BAZ1B: variants seen among roughly 807,000 people sequenced by gnomAD.
BAZ1B encodes bromodomain adjacent to zinc finger domain 1B, also known as tyrosine-protein kinase BAZ1B.
In BAZ1B, 22 loss-of-function variants were observed where a neutral mutation model predicts 153.8. That is an observed-to-expected ratio of 0.14 (90% CI 0.10 to 0.20). BAZ1B has a LOEUF of 0.20. Among genes scored for constraint, BAZ1B ranks in the 10% least tolerant of loss-of-function variants. The pLI, the probability that BAZ1B is intolerant of heterozygous loss-of-function variation, is 1.00. For synonymous variants in BAZ1B, 676 were observed against 633.4 expected, an observed-to-expected ratio of 1.07 and a Z score of -1.01; for missense variants, 1,325 against 1,799.3, an observed-to-expected ratio of 0.74 and a Z score of 4.77.
chr7:73,452,277 T>C (rs1210494994), intron 13 of BAZ1B, among the ~76,000 whole-genome samples: 2 of 152,208 alleles, frequency 1.3e-5, no homozygotes, highest in Admixed American at 1.3e-4. Flanking sequence ...TCATCAGTTT[T>C]ACTGCTGAAC....
At chr7:73,444,261 A>G in intron 16 of BAZ1B, 132 bp from the exon 17 acceptor site, 1 of 1,069,142 alleles carries the variant, frequency 9.4e-7, no homozygotes, top group South Asian at 1.8e-5. Flanking sequence ...TTTGGTTTTA[A>G]GGTGCTCTTG....
chr7:73,480,053 C>T (rs1789143051), intron 6 of BAZ1B, among the ~76,000 whole-genome samples: 1 of 151,660 alleles, frequency 6.6e-6, no homozygotes, highest in South Asian at 2.1e-4. Flanking sequence ...CCTGTAGTCC[C>T]AGCTACTTGG....
chr7:73,460,583 C>T (rs1347999643), intron 12 of BAZ1B, among the ~76,000 whole-genome samples: 1 of 152,168 alleles, frequency 6.6e-6, no homozygotes, highest in Admixed American at 6.5e-5. Flanking sequence ...CTCCCAGACT[C>T]AAGTGATCCT....
chr7:73,491,904 T>C (rs925011865), intron 5 of BAZ1B, among the ~76,000 whole-genome samples: 2 of 152,158 alleles, frequency 1.3e-5, no homozygotes, highest in Admixed American at 1.3e-4. Context: ...CTTTCTAAGA[T>C]TCTGCACATA....
rs532460669 is a variant in BAZ1B, at chr7:73,495,284, A to AAAAT, written c.572-2367_572-2364dup. Among the ~76,000 whole-genome samples, 501 of 152,294 alleles carry AAAAT rather than the reference A, an allele frequency of 3.3e-3. 11 individuals carry two copies. The highest frequency in any genetic ancestry group is 0.027 in the Admixed American group (412 of 15,288). On this transcript the variant is annotated intron_variant, in intron 4 of 19. Transcript: ENST00000339594. ...GGTGACAGAGCGAGACTCCGTCTCA[A>AAAAT]AAATAAATAAATAAATAAATAAATT...
At chr7:73,494,506 A>G (rs62465152) in intron 4 of BAZ1B, among the ~76,000 whole-genome samples, 7,442 of 152,306 alleles carry the variant, frequency 0.049, 210 homozygotes, top group Non-Finnish European at 0.066. Flanking sequence ...GAACTCTGGG[A>G]GGCTGAGGTG....
intron 4 of BAZ1B, among the ~76,000 whole-genome samples, 176 bp downstream of exon 4, chr7:73,498,321 G>A (rs1789997603): frequency 1.3e-5 from 2 of 152,046 alleles, no homozygotes. Flanking sequence ...ATTATTTAGG[G>A]ATATTCAAGT....
intron 13 of BAZ1B, among the ~76,000 whole-genome samples, chr7:73,458,329 T>C (rs1788274147): frequency 1.3e-5 from 2 of 152,188 alleles, no homozygotes; most frequent in South Asian, 4.1e-4. Flanking sequence ...ATGGTGGTGA[T>C]GGTTGCAAAA....
chr7:73,451,090 C>T lies in BAZ1B; in HGVS notation c.3433-96G>A, dbSNP rs1032428805. On this transcript the variant is annotated intron_variant, in intron 13 of 19. Coordinates refer to ENST00000339594, the MANE Select transcript of BAZ1B (RefSeq NM_032408.4). ...GGACAGTATGAGAGAATTCTGAGGA[C>T]ACTTGCCTCCTAGAACTTCACTAAT... is the stretch of plus-strand genomic sequence containing the variant. The T allele has an allele frequency of 2.8e-6, 4 of 1,426,556 alleles. No homozygotes were observed. In the African/African-American group the frequency reaches 5.7e-5, roughly 20 times the overall value. The allele number at this position is 1,426,556 out of a possible 1,614,324, so 88.4% of individuals were successfully genotyped here.
intron 11 of BAZ1B, among the ~76,000 whole-genome samples, chr7:73,465,221 A>C (rs1437052203): frequency 1.3e-5 from 2 of 152,206 alleles, no homozygotes; most frequent in Admixed American, 6.5e-5. Context: ...TCTTTAGTGC[A>C]TAATAATCCT....
intron 13 of BAZ1B, among the ~76,000 whole-genome samples, chr7:73,458,674 CAAA>C (rs11385760): frequency 4.5e-5 from 6 of 133,834 alleles, no homozygotes; most frequent in African/African-American, 2.8e-5. Flanking sequence ...ACTCTTTCTC[CAAA>C]AAAAAAAAAA....
At chr7:73,458,295 T>C (rs540228817) in intron 13 of BAZ1B, among the ~76,000 whole-genome samples, 1 of 152,094 alleles carries the variant, frequency 6.6e-6, no homozygotes, top group Non-Finnish European at 1.5e-5. Flanking sequence ...GTGTCAGAAG[T>C]GTATGAAAAA....
At chr7:73,460,183 C>G (rs978120599) in intron 12 of BAZ1B, among the ~76,000 whole-genome samples, 1 of 140,200 alleles carries the variant, frequency 7.1e-6, no homozygotes, top group Non-Finnish European at 1.5e-5. Flanking sequence ...AGCGAGACTC[C>G]GTCTCAGGGA....
chr7:73,472,813 G>A (rs533717588), intron 7 of BAZ1B, among the ~76,000 whole-genome samples: 1 of 151,732 alleles, frequency 6.6e-6, no homozygotes, highest in Non-Finnish European at 1.5e-5. Context: ...CTGGAGTGCA[G>A]TGGTGTGATC....
intron 3 of BAZ1B, among the ~76,000 whole-genome samples, chr7:73,506,719 C>G (rs1359469728): frequency 1.5e-5 from 2 of 132,860 alleles, no homozygotes; most frequent in Non-Finnish European, 3.3e-5. Context: ...GGCATGGTGG[C>G]AGGCGCCTGT....
intron 7 of BAZ1B, among the ~76,000 whole-genome samples, chr7:73,473,042 A>G (rs1788872056): frequency 6.6e-6 from 1 of 151,928 alleles, no homozygotes; most frequent in Admixed American, 6.6e-5. Context: ...CCCTGGTTCA[A>G]GCAATTCTCC....
intron 11 of BAZ1B, 143 bp from the exon 12 acceptor site, chr7:73,463,242 T>TC: frequency 2.2e-6 from 1 of 457,160 alleles, no homozygotes; most frequent in East Asian, 5.0e-5. Flanking sequence ...CTTTTTTCTT[T>TC]TTTTTTTTTT....
At chr7:73,520,210 C>CAAAAAAAAAAAAAAAAAAAAA (rs1158487602) in intron 1 of BAZ1B, among the ~76,000 whole-genome samples, 1 of 57,386 alleles carries the variant, frequency 1.7e-5, no homozygotes. Context: ...AACTCCGTCT[C>CAAAAAAAAAAAAAAAAAAAAA]AAAAAAAAAA....
chr7:73,478,085 C>T lies in BAZ1B; in HGVS notation c.1376G>A (p.Gly459Asp). 6.2e-7 allele frequency: 1 copy of T among 1,614,132 alleles called. No homozygotes were observed. The highest frequency in any genetic ancestry group is 8.5e-7 in the Non-Finnish European group (1 of 1,180,024). ...KMTRAPRNSG[G>D]TPRTSSKPHK... ...AGGTTTACTAGAGGTCCTAGGTGTA[C>T]CCCCAGAATTCCGTGGGGCTCGTGT... is the stretch of plus-strand genomic sequence containing the variant. The change falls in exon 7 of 20, where the codon GGT (glycine) becomes GAT (aspartate). Residue 459 changes from glycine (G) to aspartate (D), a missense_variant. By Grantham distance (94) the Gly-to-Asp change is moderately conservative. Transcript: ENST00000339594.
Sources: gnomAD v4.1 joint callset for allele counts (sites outside exome capture counted in the v4.1 genomes callset) on GRCh38, gnomAD v4.1.1 for gene constraint, MANE v1.5 for transcripts, NCBI Gene and HGNC (gene_info 2026-07-23, HGNC 2026-07-21) for gene names.